THSD1: variants seen among roughly 807,000 people sequenced by gnomAD.
THSD1 encodes the protein thrombospondin type-1 domain-containing protein 1.
THSD1 carries 34 observed loss-of-function variants against 46.3 expected under a neutral mutation model. That is an observed-to-expected ratio of 0.74 (90% CI 0.56 to 0.98). The LOEUF (loss-of-function observed/expected upper bound fraction) is 0.98. THSD1 is among the 50% of genes least tolerant of loss of function. The pLI is 0.00. For missense variants in THSD1, 1,023 were observed against 1,058.3 expected, an observed-to-expected ratio of 0.97 and a Z score of 0.46; for synonymous variants, 407 against 416.5, an observed-to-expected ratio of 0.98 and a Z score of 0.28.
chr13:52,390,612 C>T (rs1173322635), intron 3 of THSD1, among the ~76,000 whole-genome samples: 1 of 152,086 alleles, frequency 6.6e-6, no homozygotes, highest in Non-Finnish European at 1.5e-5. Flanking sequence ...CATACTAAGC[C>T]CCTCTGCTTG....
At position 52,392,931 on chromosome 13, in the gene THSD1, A is replaced by G. The variant is rs79045843; in HGVS notation, c.1021+4301T>C. On this transcript the variant is annotated intron_variant, in intron 3 of 4. Coordinates refer to ENST00000258613, the MANE Select transcript of THSD1 (RefSeq NM_018676.4). ...TGGGCCTGTGGGCTCCCAAGTGGTTACGGGTGTTCCAAGAGATGGGTGGCA... is the reference window on the plus strand; with the variant it reads ...TGGGCCTGTGGGCTCCCAAGTGGTTGCGGGTGTTCCAAGAGATGGGTGGCA... Among the ~76,000 whole-genome samples the G allele has an allele frequency of 4.0e-3, 610 of 152,290 alleles. 2 individuals carry two copies. The highest frequency in any genetic ancestry group is 0.013 in the African/African-American group (553 of 41,544).
intron 2 of THSD1, chr13:52,398,478 G>T: frequency 1.1e-6 from 1 of 908,924 alleles, no homozygotes; most frequent in Non-Finnish European, 1.3e-6. Context: ...TTGGGCTCAA[G>T]CAATCCTTCC....
chr13:52,380,615 T>C (rs73486116), intron 4 of THSD1, among the ~76,000 whole-genome samples: 2,011 of 151,824 alleles, frequency 0.013, 31 homozygotes, highest in African/African-American at 0.039. Flanking sequence ...CCTCACTAAA[T>C]TTTTTTGTAT....
At chr13:52,399,996 C>A in intron 2 of THSD1, 1 of 154,852 alleles carries the variant, frequency 6.5e-6, no homozygotes, top group South Asian at 1.8e-4. Flanking sequence ...TAATGAAAGT[C>A]TATTGCAGGC....
At position 52,378,144 on chromosome 13, in the gene THSD1, A is replaced by G; in HGVS notation, c.1826T>C (p.Leu609Pro). Residue 609 changes from leucine to proline, a missense_variant, in exon 5 of 5, where the codon CTA becomes CCA. Physicochemically the swap from Leu to Pro is moderately conservative, Grantham distance 98 (BLOSUM62 -3). This residue lies in a region of THSD1 where 578 missense variants were observed against 497.4 expected (regional missense o/e 1.16). Coordinates refer to ENST00000258613, the MANE Select transcript of THSD1 (RefSeq NM_018676.4). Reference protein sequence around the residue: ...AGERPPSRLDLNVTQASCAIS... With the variant: ...AGERPPSRLDPNVTQASCAIS... ...GGCACAACTGGCCTGAGTCACATTT[A>G]GATCCAGCCTGGAGGGAGGCCTTTC... 1 of 1,614,130 alleles carries G rather than the reference A, an allele frequency of 6.2e-7. No homozygotes were observed. The highest frequency in any genetic ancestry group is 8.5e-7 in the Non-Finnish European group (1 of 1,180,030).
rs939811298 is a variant in THSD1 at position 52,378,472 on chromosome 13, G to A, written c.1498C>T (p.Arg500Trp). 1.9e-6 allele frequency: 3 copies of A among 1,614,042 alleles called. No individual in the cohort carries two copies. In the Admixed American group the frequency reaches 5.0e-5, roughly 27 times the overall value. ...TCCTCGGGAGGTACCGGCCCGCTCC[G>A]CCTGTAGGTCAGAGGGATGCCTGTG... ...GDTGIPLTYR[R>W]SGPVPPEDDA... Residue 500 changes from arginine to tryptophan, a missense_variant, in exon 5 of 5, where the codon CGG becomes TGG. Around this residue, in one of 3 missense-constraint regions of THSD1, gnomAD observed 578 missense variants for 497.4 expected, o/e 1.16. Transcript: ENST00000258613.
chr13:52,393,047 TC>T (rs772465201), intron 3 of THSD1, among the ~76,000 whole-genome samples: 6 of 152,020 alleles, frequency 3.9e-5, no homozygotes, highest in Non-Finnish European at 7.4e-5. Flanking sequence ...GGATTGACAG[TC>T]AATTGCATAG....
chr13:52,384,483 C>G (rs962835385), intron 4 of THSD1: 5 of 448,470 alleles, frequency 1.1e-5, no homozygotes, highest in African/African-American at 6.0e-5. Flanking sequence ...TAGAAAAATG[C>G]CTGGCAGGCA....
Position 52,397,382 on chromosome 13 carries a change from C to T in THSD1, c.871G>A (p.Glu291Lys), listed in dbSNP as rs41292808. ...CTCTCTCCCAGGGGCAGGCTGTTTT[C>T]AGCCAAGTGAATGGTCCTCTTCCCA... ...YPGKRTIHLA[E>K]NSLPLGERRT... Residue 291 changes from glutamate to lysine, a missense_variant, in exon 3 of 5, where the codon GAA becomes AAA. Physicochemically the swap from Glu to Lys is moderately conservative, Grantham distance 56 (BLOSUM62 1). This residue lies in a region of THSD1 where 429 missense variants were observed against 518.3 expected (regional missense o/e 0.83). Coordinates refer to ENST00000258613, the MANE Select transcript of THSD1 (RefSeq NM_018676.4). 38,428 of 1,614,122 alleles carry T rather than the reference C, an allele frequency of 0.024. 569 individuals are homozygous for T. Among genetic ancestry groups the T allele is most frequent in the Non-Finnish European group, 0.028 (32,833 of 1,180,012 alleles).
chr13:52,397,849 T>C lies in THSD1; in HGVS notation c.404A>G (p.Asn135Ser), dbSNP rs752413047. 2.7e-5 allele frequency: 44 copies of C among 1,614,148 alleles called. No homozygotes were observed. Among genetic ancestry groups the C allele is most frequent in the Non-Finnish European group, 3.6e-5 (42 of 1,180,062 alleles). Residue 135 changes from asparagine (N) to serine (S), a missense_variant, in exon 3 of 5, where the codon AAT (asparagine) becomes AGT (serine). By Grantham distance (46) the Asn-to-Ser change is conservative. Around this residue, in one of 3 missense-constraint regions of THSD1, gnomAD observed 429 missense variants for 518.3 expected, o/e 0.83. Coordinates refer to ENST00000258613, the MANE Select transcript of THSD1 (RefSeq NM_018676.4). ...GCCTTCTGCTGCCTTGGCACTCCTA[T>C]TCAAGTCAACGTGAAAGACAGGCCA... Reference protein sequence around the residue: ...VEWPVFHVDLNRSAKAAEGTF... With the variant: ...VEWPVFHVDLSRSAKAAEGTF...
At chr13:52,398,289 G>C in intron 2 of THSD1, 95 bp from the exon 3 acceptor site, 1 of 1,504,100 alleles carries the variant, frequency 6.6e-7, no homozygotes, top group Non-Finnish European at 8.8e-7. Flanking sequence ...ATTTTTTTTT[G>C]AGACAGGGTC....
At chr13:52,392,109 G>A (rs995955158) in intron 3 of THSD1, among the ~76,000 whole-genome samples, 2 of 145,380 alleles carry the variant, frequency 1.4e-5, no homozygotes, top group South Asian at 2.2e-4. Context: ...GGAGAATGGC[G>A]TTAACCCAGG....
intron 4 of THSD1, among the ~76,000 whole-genome samples, chr13:52,382,723 G>A (rs117346133): frequency 0.019 from 2,936 of 152,236 alleles, 46 homozygotes; most frequent in Middle Eastern, 0.034. Context: ...CTCCTTGGCC[G>A]GGTGTGGTGG....
chr13:52,378,706 A>G lies in THSD1; in HGVS notation c.1264T>C (p.Leu422=), dbSNP rs1957664336. The G allele has an allele frequency of 1.2e-6, 2 of 1,614,000 alleles. No homozygotes were observed. The highest frequency in any genetic ancestry group is 1.7e-6 in the Non-Finnish European group (2 of 1,180,024). Reference sequence around the variant, plus strand: ...GTGGCAATGATGATGAACAAGCACAAGGATATACCAGTGACAGTCACGATG... The same window carrying G: ...GTGGCAATGATGATGAACAAGCACAGGGATATACCAGTGACAGTCACGATG... ...NNIVTVTGIS[L]CLFIIIATVL... is the part of the protein sequence containing the mutation. The change falls in exon 5 of 5, where the codon TTG becomes CTG. Residue 422 remains leucine (L), a synonymous_variant. Coordinates refer to ENST00000258613, the MANE Select transcript of THSD1 (RefSeq NM_018676.4).
In THSD1 at chr13:52,397,558, C is replaced by A. The variant is rs1183936638; in HGVS notation, c.695G>T (p.Gly232Val). The A allele has an allele frequency of 6.2e-7, 1 of 1,614,148 alleles. No homozygotes were observed. Among genetic ancestry groups the A allele is most frequent in the Non-Finnish European group, 8.5e-7 (1 of 1,180,032 alleles). ...AAATTTCTGGGCCAGGTCAATGGGT[C>A]CTGTGGAGGTAATGACTGAGTCTCG... ...LGRDSVITST[G>V]PIDLAQKFGY... The change falls in exon 3 of 5, where the codon GGA becomes GTA. Residue 232 changes from glycine (G) to valine (V), a missense_variant. This residue lies in a region of THSD1 where 429 missense variants were observed against 518.3 expected (regional missense o/e 0.83). Coordinates refer to ENST00000258613, the MANE Select transcript of THSD1 (RefSeq NM_018676.4).
At chr13:52,379,456 G>T (rs1055896052) in intron 4 of THSD1, among the ~76,000 whole-genome samples, 4 of 152,012 alleles carry the variant, frequency 2.6e-5, no homozygotes, top group Admixed American at 1.3e-4. Flanking sequence ...GAAGTAGCAT[G>T]TAGAAATTTT....
intron 3 of THSD1, among the ~76,000 whole-genome samples, chr13:52,387,278 A>G (rs927953337): frequency 3.9e-5 from 6 of 152,240 alleles, no homozygotes; most frequent in Admixed American, 3.3e-4. Context: ...AGCCATAACA[A>G]TGGTAAAAAC....
At chr13:52,401,164 G>A (rs990007433) in intron 2 of THSD1, among the ~76,000 whole-genome samples, 11 of 152,056 alleles carry the variant, frequency 7.2e-5, no homozygotes, top group African/African-American at 2.2e-4. Flanking sequence ...TAGTAGAAAC[G>A]GGGTTTCACC....
chr13:52,397,919 T>C lies in THSD1; in HGVS notation c.334A>G (p.Thr112Ala). 6.2e-7 allele frequency: 1 copy of C among 1,614,184 alleles called. No homozygotes were observed. Among genetic ancestry groups the C allele is most frequent in the Non-Finnish European group, 8.5e-7 (1 of 1,180,038 alleles). ...TMTPEATDNSTPFPWWEKSAF... is the reference protein window; with the variant it reads ...TMTPEATDNSAPFPWWEKSAF... The stretch of plus-strand genomic sequence containing the variant: ...CTTTTCTCCCACCAGGGGAATGGAG[T>C]GCTGTTGTCTGTTGCTTCTGGAGTC... The change falls in exon 3 of 5, where the codon ACT becomes GCT. Residue 112 changes from threonine (T) to alanine (A), a missense_variant. Transcript: ENST00000258613.
Sources: allele counts gnomAD v4.1 joint callset (sites outside exome capture counted in the v4.1 genomes callset), GRCh38; gene constraint gnomAD v4.1.1; regional missense constraint gnomAD v4.1.1; transcripts MANE v1.5; gene names NCBI Gene and HGNC (gene_info 2026-07-23, HGNC 2026-07-21).